The following WNT7A variants were observed in gnomAD, a reference collection of about 807,000 sequenced individuals.
WNT7A encodes the protein protein Wnt-7a.
WNT7A carries 16 observed loss-of-function variants against 28.2 expected under a neutral mutation model. That is an observed-to-expected ratio of 0.57 (90% CI 0.38 to 0.86). The LOEUF is 0.86. Among genes scored for constraint, WNT7A ranks in the 40% least tolerant of loss-of-function variants. The probability of loss-of-function intolerance (pLI) is 0.00; values close to 1 mark genes in which losing one functional copy is unlikely to be tolerated. For missense variants in WNT7A, 411 were observed against 489.7 expected (o/e 0.84, Z 1.52); for synonymous variants, 190 against 195.9 (o/e 0.97, Z 0.25).
chr3:13,822,295 T>C lies in WNT7A; in HGVS notation c.571-2872A>G, dbSNP rs373306274. Among the ~76,000 whole-genome samples, 66 of 152,340 alleles carry C rather than the reference T, an allele frequency of 4.3e-4. 1 individual carries two copies. In the East Asian group the frequency reaches 6.7e-3, roughly 16 times the overall value. On this transcript the variant is annotated intron_variant, in intron 3 of 3. Coordinates refer to ENST00000285018, the MANE Select transcript of WNT7A (RefSeq NM_004625.4). ...TACATGATTGCTCATAGCAGCATTA[T>C]TCATAACAGCCAAAAAGTGAGCGGA...
intron 2 of WNT7A, among the ~76,000 whole-genome samples, chr3:13,858,830 G>T (rs183111612): frequency 6.6e-6 from 1 of 152,008 alleles, no homozygotes; most frequent in African/African-American, 2.4e-5. Context: ...TAACTTTGAC[G>T]TTGGCCTTAC....
chr3:13,836,358 C>T (rs954898461), intron 3 of WNT7A, among the ~76,000 whole-genome samples: 1 of 152,198 alleles, frequency 6.6e-6, no homozygotes, highest in African/African-American at 2.4e-5. Flanking sequence ...CAGCAGCATC[C>T]GCACGCTCTC....
At chr3:13,850,532 G>C (rs1456926880) in intron 3 of WNT7A, among the ~76,000 whole-genome samples, 1 of 152,136 alleles carries the variant, frequency 6.6e-6, no homozygotes, top group Admixed American at 6.5e-5. Context: ...TCACTTCGGC[G>C]GAATTCCATC....
chr3:13,871,859 A>G (rs1695030899), intron 2 of WNT7A, among the ~76,000 whole-genome samples: 1 of 152,078 alleles, frequency 6.6e-6, no homozygotes, highest in South Asian at 2.1e-4. Flanking sequence ...GAAGGTCTCC[A>G]TTCCCATGAA....
At chr3:13,852,831 C>G (rs1026066565) in intron 3 of WNT7A, among the ~76,000 whole-genome samples, 3 of 152,120 alleles carry the variant, frequency 2.0e-5, no homozygotes, top group Non-Finnish European at 2.9e-5. Flanking sequence ...CTGCATACAC[C>G]GGGGAGTCCA....
intron 2 of WNT7A, among the ~76,000 whole-genome samples, chr3:13,855,861 G>A (rs796734324): frequency 1.1e-4 from 17 of 152,266 alleles, no homozygotes; most frequent in African/African-American, 3.6e-4. Flanking sequence ...GCAAAGGGGG[G>A]CCAGAGAAGG....
chr3:13,818,942 GCTCACTTGCACGTGTACAT>G lies in WNT7A; in HGVS notation c.1033_*1del. The G allele has an allele frequency of 6.4e-7, 1 of 1,564,994 alleles. No individual in the cohort carries two copies. The highest frequency in any genetic ancestry group is 8.7e-7 in the Non-Finnish European group (1 of 1,149,466). ...AGCGGGAGGGTGGTGTGCACACGGG[GCTCACTTGCACGTGTACAT>G]CTCCGTGCGCTCGCTGCACGTGTTG... On this transcript the variant is annotated stop_lost and 3_prime_UTR_variant, in exon 4 of 4. Coordinates refer to ENST00000285018, the MANE Select transcript of WNT7A (RefSeq NM_004625.4).
chr3:13,851,809 G>A (rs938887172), intron 3 of WNT7A, among the ~76,000 whole-genome samples: 10 of 152,186 alleles, frequency 6.6e-5, no homozygotes, highest in Admixed American at 6.5e-5. Context: ...CACATCATAC[G>A]CTAGGATGTG....
intron 3 of WNT7A, among the ~76,000 whole-genome samples, chr3:13,832,816 G>T (rs1402624054): frequency 6.6e-6 from 1 of 152,138 alleles, no homozygotes; most frequent in Non-Finnish European, 1.5e-5. Context: ...CAGCCTGGGA[G>T]GTACAGGAAG....
intron 3 of WNT7A, among the ~76,000 whole-genome samples, chr3:13,846,421 C>T (rs1030320392): frequency 6.6e-6 from 1 of 152,120 alleles, no homozygotes; most frequent in Non-Finnish European, 1.5e-5. Context: ...GGTTTATATC[C>T]CAGCACAGCA....
chr3:13,847,845 A>T (rs1694565640), intron 3 of WNT7A, among the ~76,000 whole-genome samples: 1 of 152,294 alleles, frequency 6.6e-6, no homozygotes, highest in South Asian at 2.1e-4. Flanking sequence ...TAACAGGGAC[A>T]GAGTCTTCGT....
At chr3:13,854,249 C>G (rs1694688341) in intron 3 of WNT7A, among the ~76,000 whole-genome samples, 1 of 152,006 alleles carries the variant, frequency 6.6e-6, no homozygotes, top group Non-Finnish European at 1.5e-5. Context: ...TAATTTGGTC[C>G]CTCCCAAGGA....
At chr3:13,869,380 AGG>A (rs903510997) in intron 2 of WNT7A, among the ~76,000 whole-genome samples, 233 of 148,522 alleles carry the variant, frequency 1.6e-3, no homozygotes, top group African/African-American at 5.5e-3. Context: ...GAAGGGAGAA[AGG>A]GAGAGAAAGA....
chr3:13,860,068 T>A (rs892193919), intron 2 of WNT7A, among the ~76,000 whole-genome samples: 9 of 152,062 alleles, frequency 5.9e-5, no homozygotes, highest in Non-Finnish European at 1.2e-4. Context: ...TTTTTTTTTT[T>A]AAGGAAGATG....
Position 13,879,515 on chromosome 3 carries a change from TG to T in WNT7A, c.71+230del, listed in dbSNP as rs112184837. 0.012 allele frequency among the ~76,000 whole-genome samples: 1,847 copies of T among 152,226 alleles called. 48 individuals are homozygous for T. Among genetic ancestry groups the T allele is most frequent in the African/African-American group, 0.042 (1,750 of 41,536 alleles). ...CGTCCCTACCGGCTGTCTCTGGTCC[TG>T]GGGGATTCCAGACTCAGACGTCCTC... On this transcript the variant is annotated intron_variant, in intron 1 of 3. Coordinates refer to ENST00000285018, the MANE Select transcript of WNT7A (RefSeq NM_004625.4).
chr3:13,877,739 A>G (rs1032059175), intron 1 of WNT7A, among the ~76,000 whole-genome samples: 1 of 152,342 alleles, frequency 6.6e-6, no homozygotes, highest in East Asian at 1.9e-4. Flanking sequence ...TAGAACATGG[A>G]AAGTGCTTAG....
intron 3 of WNT7A, among the ~76,000 whole-genome samples, chr3:13,832,373 C>G (rs1694295423): frequency 6.6e-6 from 1 of 151,244 alleles, no homozygotes; most frequent in Non-Finnish European, 1.5e-5. Flanking sequence ...CCACAGGCTC[C>G]TCCCACTCCT....
chr3:13,830,088 C>T (rs1469907588), intron 3 of WNT7A, among the ~76,000 whole-genome samples: 2 of 152,164 alleles, frequency 1.3e-5, no homozygotes, highest in Admixed American at 6.5e-5. Context: ...CTGGTCCCCG[C>T]AGCGTCTTCT....
At chr3:13,851,880 G>T (rs769238144) in intron 3 of WNT7A, among the ~76,000 whole-genome samples, 2 of 152,170 alleles carry the variant, frequency 1.3e-5, no homozygotes, top group Admixed American at 1.3e-4. Context: ...AAGTACAAAG[G>T]CCCCGAAATG....
Sources: gnomAD v4.1 joint callset for allele counts (sites outside exome capture counted in the v4.1 genomes callset) on GRCh38, gnomAD v4.1.1 for gene constraint, MANE v1.5 for transcripts, NCBI Gene and HGNC (gene_info 2026-07-23, HGNC 2026-07-21) for gene names.